Variants in DIAPH2 observed in about 807,000 individuals in gnomAD.
DIAPH2 encodes the protein diaphanous related formin 2.
In DIAPH2, 35 loss-of-function variants were observed where a neutral mutation model predicts 92.7. That is an observed-to-expected ratio of 0.38 (90% CI 0.29 to 0.50). The LOEUF is 0.50. Among genes scored for constraint, DIAPH2 ranks in the 20% least tolerant of loss-of-function variants. DIAPH2 has a pLI of 0.94. For missense variants in DIAPH2, 701 were observed against 819.5 expected (o/e 0.86, Z 1.77); for synonymous variants, 301 against 280.4 (o/e 1.07, Z -0.73).
chrX:97,261,873 G>A (rs142300912), intron 23 of DIAPH2, among the ~76,000 whole-genome samples: 166 of 111,261 alleles, frequency 1.5e-3, no homozygotes, highest in African/African-American at 5.2e-3. Context: ...TAGGTAGTAC[G>A]TTCATCCTTG....
At chrX:97,197,867 G>A (rs2067716078) in intron 22 of DIAPH2, among the ~76,000 whole-genome samples, 1 of 111,733 alleles carries the variant, frequency 8.9e-6, no homozygotes, top group Non-Finnish European at 1.9e-5. Flanking sequence ...TTACTAATTT[G>A]ACCAGGTTGT....
At chrX:97,072,736 C>T (rs2066677608) in intron 17 of DIAPH2, among the ~76,000 whole-genome samples, 1 of 111,562 alleles carries the variant, frequency 9.0e-6, no homozygotes, top group Admixed American at 9.5e-5. Context: ...ATCTTTTCTG[C>T]TTAAGTGCTG....
intron 24 of DIAPH2, among the ~76,000 whole-genome samples, chrX:97,357,260 A>G (rs1475996247): frequency 8.9e-6 from 1 of 111,989 alleles, no homozygotes; most frequent in Admixed American, 9.5e-5. Flanking sequence ...CTAAGCATGA[A>G]GATCCCTGAG....
chrX:97,001,612 C>T (rs191473598), intron 17 of DIAPH2, among the ~76,000 whole-genome samples: 15 of 111,622 alleles, frequency 1.3e-4, no homozygotes, highest in Non-Finnish European at 2.6e-4. Flanking sequence ...CGCCACTGCA[C>T]TCCAGCCCGG....
intron 1 of DIAPH2, among the ~76,000 whole-genome samples, chrX:96,696,253 A>G (rs893999987): frequency 9.0e-6 from 1 of 111,628 alleles, no homozygotes; most frequent in Non-Finnish European, 1.9e-5. Context: ...ACTCTAAAAG[A>G]AAAGAAAAAT....
At chrX:96,901,790 C>T (rs750365959) in intron 5 of DIAPH2, among the ~76,000 whole-genome samples, 1 of 110,108 alleles carries the variant, frequency 9.1e-6, no homozygotes, top group South Asian at 3.9e-4. Flanking sequence ...CCGCCTTGGC[C>T]TCCGAAAGTT....
intron 26 of DIAPH2, among the ~76,000 whole-genome samples, chrX:97,516,204 G>A (rs943584560): frequency 4.6e-5 from 5 of 109,700 alleles, no homozygotes; most frequent in Non-Finnish European, 7.6e-5. Context: ...GCAGTGAGCC[G>A]AGATCGCGCC....
chrX:97,369,505 A>G (rs1200160563), intron 24 of DIAPH2, among the ~76,000 whole-genome samples: 1 of 69,316 alleles, frequency 1.4e-5, no homozygotes, highest in Non-Finnish European at 3.7e-5. Flanking sequence ...ACTAAGTGCT[A>G]TGTTTTCATA....
intron 3 of DIAPH2, among the ~76,000 whole-genome samples, chrX:96,749,865 C>G (rs779716109): frequency 9.1e-6 from 1 of 110,424 alleles, no homozygotes; most frequent in South Asian, 3.9e-4. Flanking sequence ...GTAATTCAAG[C>G]AAGGGTGAAG....
intron 25 of DIAPH2, among the ~76,000 whole-genome samples, chrX:97,414,217 T>C (rs1392592100): frequency 1.8e-5 from 2 of 111,348 alleles, no homozygotes; most frequent in East Asian, 2.8e-4. Flanking sequence ...GATAGCCCAA[T>C]AGAACATAAC....
chrX:97,019,258 G>T (rs1351884840), intron 17 of DIAPH2, among the ~76,000 whole-genome samples: 1 of 111,445 alleles, frequency 9.0e-6, no homozygotes, highest in Admixed American at 9.6e-5. Flanking sequence ...CTCAATCATG[G>T]TAAGAGTATG....
At chrX:97,552,780 G>GT (rs994372727) in intron 26 of DIAPH2, among the ~76,000 whole-genome samples, 4 of 111,867 alleles carry the variant, frequency 3.6e-5, no homozygotes, top group Non-Finnish European at 7.5e-5. Flanking sequence ...ATTACTACGT[G>GT]TATTAGTTTG....
intron 26 of DIAPH2, among the ~76,000 whole-genome samples, chrX:97,509,720 C>T (rs186181529): frequency 1.9e-5 from 2 of 105,393 alleles, no homozygotes; most frequent in Admixed American, 1.0e-4. Context: ...CATGTGTTCT[C>T]GTTGTTCAAT....
chrX:97,508,704 A>C (rs1319294220), intron 26 of DIAPH2, among the ~76,000 whole-genome samples: 1 of 112,212 alleles, frequency 8.9e-6, no homozygotes, highest in African/African-American at 3.2e-5. Context: ...TTGTTCTCTG[A>C]ATGCAGATAA....
chrX:97,468,015 C>CT (rs1184530287), intron 26 of DIAPH2, among the ~76,000 whole-genome samples: 16 of 111,809 alleles, frequency 1.4e-4, no homozygotes, highest in African/African-American at 5.2e-4. Context: ...GGCTCCCAGG[C>CT]TGAAGGTTCA....
intron 23 of DIAPH2, among the ~76,000 whole-genome samples, chrX:97,347,128 G>A (rs1249071463): frequency 3.5e-5 from 3 of 86,431 alleles, no homozygotes; most frequent in Admixed American, 1.6e-4. Flanking sequence ...TCACACTGTC[G>A]CCCAGGCTGG....
chrX:96,853,935 C>T (rs944580194), intron 4 of DIAPH2, among the ~76,000 whole-genome samples: 9 of 111,588 alleles, frequency 8.1e-5, no homozygotes, highest in Non-Finnish European at 1.3e-4. Flanking sequence ...TTGACAACTA[C>T]GTAAAGAAGA....
rs999348530 is a variant in DIAPH2, at chrX:97,601,024, AAC to A, written c.*1713_*1714del. On this transcript the variant is annotated 3_prime_UTR_variant, in exon 27 of 27. Transcript: ENST00000324765. ...ATTTCACAGTCCTATCCGATCTGAA[AAC>A]ACACATACACAAATGCACACACATG... is the stretch of plus-strand genomic sequence containing the variant. 1 of 112,519 alleles carries A rather than the reference AAC, an allele frequency of 8.9e-6. No individual in the cohort carries two copies. The highest frequency in any genetic ancestry group is 3.2e-5 in the African/African-American group (1 of 31,009). The allele number at this position is 112,519 out of a possible 1,213,427, so 9.3% of individuals were successfully genotyped here.
chrX:96,749,143 A>AT (rs1556122831), intron 3 of DIAPH2, among the ~76,000 whole-genome samples: 22 of 77,003 alleles, frequency 2.9e-4, no homozygotes, highest in African/African-American at 1.2e-3. Context: ...AAAAAAAAAA[A>AT]AAATATATAT....
Sources: allele counts gnomAD v4.1 joint callset (sites outside exome capture counted in the v4.1 genomes callset), GRCh38; gene constraint gnomAD v4.1.1; transcripts MANE v1.5; gene names NCBI Gene and HGNC (gene_info 2026-07-23, HGNC 2026-07-21).